The following CLSTN2 variants were observed in gnomAD, a reference collection of about 807,000 sequenced individuals.
CLSTN2 encodes calsyntenin-2.
CLSTN2 carries 48 observed loss-of-function variants against 101.2 expected under a neutral mutation model. The observed-to-expected ratio is 0.47, with a 90% CI of 0.38 to 0.60. The LOEUF (loss-of-function observed/expected upper bound fraction) is 0.60. Ranked by LOEUF, CLSTN2 falls within the 20% of genes least tolerant of loss-of-function variation. The probability of loss-of-function intolerance (pLI) is 0.00; values close to 1 mark genes in which losing one functional copy is unlikely to be tolerated. For missense variants in CLSTN2, 1,160 were observed against 1,238.2 expected, an observed-to-expected ratio of 0.94 and a Z score of 0.95; for synonymous variants, 481 against 463.6, an observed-to-expected ratio of 1.04 and a Z score of -0.48.
intron 1 of CLSTN2, among the ~76,000 whole-genome samples, chr3:140,007,843 G>A (rs746349825): frequency 2.6e-5 from 4 of 152,186 alleles, no homozygotes; most frequent in Non-Finnish European, 5.9e-5. Context: ...GACCTTGTCC[G>A]GTGGTGGAGG....
At chr3:140,202,413 G>T (rs1195424696) in intron 2 of CLSTN2, among the ~76,000 whole-genome samples, 1 of 152,192 alleles carries the variant, frequency 6.6e-6, no homozygotes, top group Non-Finnish European at 1.5e-5. Flanking sequence ...AAACAAAGAA[G>T]TCTAAGATGC....
chr3:140,227,519 G>A (rs897268804), intron 2 of CLSTN2, among the ~76,000 whole-genome samples: 1 of 152,224 alleles, frequency 6.6e-6, no homozygotes, highest in African/African-American at 2.4e-5. Flanking sequence ...CAAGCTCTCA[G>A]TGGATCTACC....
At chr3:140,106,163 A>G (rs946250876) in intron 1 of CLSTN2, among the ~76,000 whole-genome samples, 4 of 152,334 alleles carry the variant, frequency 2.6e-5, no homozygotes, top group African/African-American at 7.2e-5. Flanking sequence ...CCTGAGCAGC[A>G]TACCTTCCCT....
At chr3:139,988,812 G>A (rs1398434341) in intron 1 of CLSTN2, among the ~76,000 whole-genome samples, 2 of 152,188 alleles carry the variant, frequency 1.3e-5, no homozygotes, top group African/African-American at 2.4e-5. Context: ...GCTGGCTGAT[G>A]GGATCCTGCC....
At chr3:140,379,507 A>G (rs1411708005) in intron 2 of CLSTN2, among the ~76,000 whole-genome samples, 2 of 152,194 alleles carry the variant, frequency 1.3e-5, no homozygotes, top group East Asian at 3.8e-4. Context: ...ATGAATTGGA[A>G]GGCTTGCTTC....
At chr3:139,983,987 C>T (rs1003285365) in intron 1 of CLSTN2, among the ~76,000 whole-genome samples, 31 of 152,158 alleles carry the variant, frequency 2.0e-4, no homozygotes, top group Admixed American at 1.6e-3. Flanking sequence ...CCTTACATTT[C>T]TTTCTTTCAT....
At chr3:140,105,099 A>G (rs574254491) in intron 1 of CLSTN2, among the ~76,000 whole-genome samples, 1 of 152,266 alleles carries the variant, frequency 6.6e-6, no homozygotes, top group Non-Finnish European at 1.5e-5. Context: ...TTGGTTAAGC[A>G]GTGACTAACA....
intron 2 of CLSTN2, among the ~76,000 whole-genome samples, chr3:140,329,294 C>A (rs993086555): frequency 6.6e-6 from 1 of 152,204 alleles, no homozygotes; most frequent in African/African-American, 2.4e-5. Flanking sequence ...GAAGGTGAGG[C>A]AGGAGAATCA....
At chr3:140,520,001 G>A (rs1173432279) in intron 8 of CLSTN2, among the ~76,000 whole-genome samples, 1 of 152,208 alleles carries the variant, frequency 6.6e-6, no homozygotes, top group African/African-American at 2.4e-5. Context: ...AGGCTGGCCT[G>A]ATGGTGACAA....
Position 140,566,423 on chromosome 3 carries a change from A to T in CLSTN2, c.*170A>T. 1 of 662,806 alleles carries T rather than the reference A, an allele frequency of 1.5e-6. No homozygotes were observed. Among genetic ancestry groups the T allele is most frequent in the South Asian group, 1.9e-5 (1 of 51,806 alleles). 41.1% of individuals were successfully genotyped at this position (662,806 alleles called of 1,614,324 possible). On this transcript the variant is annotated 3_prime_UTR_variant, in exon 17 of 17. Coordinates refer to ENST00000458420, the MANE Select transcript of CLSTN2 (RefSeq NM_022131.3). ...CTTGGGCACTCCCTGTGTTTCATCC[A>T]TGGGGAAGTTCCAAGAAGCCCAGCA...
rs116784328 is a variant in CLSTN2 at position 140,473,189 on chromosome 3, C to T, written c.1344+6458C>T. On this transcript the variant is annotated intron_variant, in intron 8 of 16. Coordinates refer to ENST00000458420, the MANE Select transcript of CLSTN2 (RefSeq NM_022131.3). ...CTGCACCCACTGCCTGAGCCATGCT[C>T]GTTCCATCTTAAAGCCCCTTTCCTG... Among the ~76,000 whole-genome samples, 536 of 152,338 alleles carry T rather than the reference C, an allele frequency of 3.5e-3. 5 individuals carry two copies. Among genetic ancestry groups the T allele is most frequent in the African/African-American group, 0.012 (516 of 41,576 alleles).
At chr3:140,016,792 T>TG (rs1553790421) in intron 1 of CLSTN2, among the ~76,000 whole-genome samples, 6 of 33,370 alleles carry the variant, frequency 1.8e-4, no homozygotes, top group Admixed American at 4.8e-4. Flanking sequence ...AGTGAGACTC[T>TG]GAAAAAAAAA....
chr3:140,247,399 T>G (rs1263923378), intron 2 of CLSTN2, among the ~76,000 whole-genome samples: 1 of 152,222 alleles, frequency 6.6e-6, no homozygotes, highest in Non-Finnish European at 1.5e-5. Context: ...CTTGCCCCAC[T>G]GTGGGCCAGG....
intron 2 of CLSTN2, among the ~76,000 whole-genome samples, chr3:140,325,687 A>T (rs530920060): frequency 6.6e-6 from 1 of 152,298 alleles, no homozygotes; most frequent in East Asian, 1.9e-4. Flanking sequence ...TTATTTTAAA[A>T]GTGTTTTTAC....
chr3:140,477,934 C>T (rs1934022631), intron 8 of CLSTN2, among the ~76,000 whole-genome samples: 3 of 152,206 alleles, frequency 2.0e-5, no homozygotes, highest in Non-Finnish European at 4.4e-5. Flanking sequence ...TTCCCACTAT[C>T]TGACTAGCCA....
chr3:140,428,782 G>A (rs1559867219), intron 5 of CLSTN2, among the ~76,000 whole-genome samples: 1 of 152,166 alleles, frequency 6.6e-6, no homozygotes, highest in Non-Finnish European at 1.5e-5. Flanking sequence ...TGTTCTTCGG[G>A]TTTTGAATAA....
intron 5 of CLSTN2, among the ~76,000 whole-genome samples, chr3:140,427,750 C>T (rs553963415): frequency 5.9e-5 from 9 of 151,874 alleles, no homozygotes; most frequent in Admixed American, 1.3e-4. Flanking sequence ...TCTCTATTTT[C>T]TTTTTTTTAT....
chr3:140,275,963 C>G (rs192825621), intron 2 of CLSTN2, among the ~76,000 whole-genome samples: 2 of 152,240 alleles, frequency 1.3e-5, no homozygotes, highest in East Asian at 3.9e-4. Context: ...AGGGTGAACA[C>G]AGATACAAAA....
At chr3:140,079,380 G>C (rs12486848) in intron 1 of CLSTN2, among the ~76,000 whole-genome samples, 49,204 of 151,974 alleles carry the variant, frequency 0.32, 9,081 homozygotes, top group East Asian at 0.55. Context: ...AGAGAAAATC[G>C]TTCTAAAAGA....
Sources: gnomAD v4.1 joint callset for allele counts (sites outside exome capture counted in the v4.1 genomes callset) on GRCh38, gnomAD v4.1.1 for gene constraint, MANE v1.5 for transcripts, NCBI Gene and HGNC (gene_info 2026-07-23, HGNC 2026-07-21) for gene names.